NUCB2: variants seen among roughly 807,000 people sequenced by gnomAD.
NUCB2 encodes the protein nucleobindin 2.
Under a neutral mutation model 57.9 loss-of-function variants are expected in NUCB2, and 48 were observed. That is an observed-to-expected ratio of 0.83 (90% CI 0.66 to 1.05). NUCB2 has a LOEUF of 1.05. Ranked by LOEUF, NUCB2 falls within the 50% of genes least tolerant of loss-of-function variation. The probability of loss-of-function intolerance (pLI) is 0.00; values close to 1 mark genes in which losing one functional copy is unlikely to be tolerated. For missense variants in NUCB2, 442 were observed against 476.2 expected, an observed-to-expected ratio of 0.93 and a Z score of 0.67; for synonymous variants, 139 against 152.1, an observed-to-expected ratio of 0.91 and a Z score of 0.64.
At chr11:17,306,220 G>A (rs1947620576) in intron 5 of NUCB2, among the ~76,000 whole-genome samples, 1 of 152,076 alleles carries the variant, frequency 6.6e-6, no homozygotes, top group Admixed American at 6.6e-5. Flanking sequence ...TATCTGGGTG[G>A]TTTGTTGTCA....
intron 2 of NUCB2, among the ~76,000 whole-genome samples, chr11:17,288,164 C>T (rs756797220): frequency 6.6e-6 from 1 of 151,886 alleles, no homozygotes; most frequent in Non-Finnish European, 1.5e-5. Flanking sequence ...CAATTTATTT[C>T]GTTTAATTTC....
chr11:17,283,439 T>C (rs548532973), intron 2 of NUCB2: 45 of 152,372 alleles, frequency 3.0e-4, no homozygotes, highest in African/African-American at 1.1e-3. Flanking sequence ...TCTGCCATGA[T>C]ATGAATCTTT....
chr11:17,305,608 G>GTTTTTATTTTTATTATTATTATTA (rs1947495375), intron 5 of NUCB2, among the ~76,000 whole-genome samples: 1 of 151,720 alleles, frequency 6.6e-6, no homozygotes, highest in Non-Finnish European at 1.5e-5. Flanking sequence ...ATAAAGATAG[G>GTTTTTATTTTTATTATTATTATTA]TTTTTATTTT....
chr11:17,348,873 G>A lies in NUCB2; in HGVS notation n.2627-472G>A, dbSNP rs543084399. ...CGGCTCACTGCAACCTCCGCTTCCC[G>A]GGTTCAAGTGATTCTCCTGCTTCAG... On this transcript the variant is annotated intron_variant and non_coding_transcript_variant, in intron 2 of 2. Transcript: ENST00000532240. Among the ~76,000 whole-genome samples the A allele has an allele frequency of 7.2e-5, 11 of 151,830 alleles. No individual in the cohort carries two copies. The South Asian group carries it at 1.7e-3, about 23-fold the overall frequency.
At chr11:17,306,544 C>G (rs1947663616) in intron 5 of NUCB2, among the ~76,000 whole-genome samples, 1 of 152,122 alleles carries the variant, frequency 6.6e-6, no homozygotes, top group Non-Finnish European at 1.5e-5. Flanking sequence ...AGATTTCTCT[C>G]CCTGGGACAA....
intron 1 of NUCB2, among the ~76,000 whole-genome samples, chr11:17,278,088 T>C (rs1941710999): frequency 6.6e-6 from 1 of 151,916 alleles, no homozygotes; most frequent in Admixed American, 6.6e-5. Context: ...AACTAGACAA[T>C]TTTAGAAACT....
chr11:17,307,971 A>G (rs1947945923), intron 5 of NUCB2, among the ~76,000 whole-genome samples: 1 of 152,110 alleles, frequency 6.6e-6, no homozygotes, highest in Non-Finnish European at 1.5e-5. Flanking sequence ...GTGCAGTTTT[A>G]ATATGTATTT....
intron 2 of NUCB2, among the ~76,000 whole-genome samples, chr11:17,290,101 T>C (rs1944669874): frequency 6.6e-6 from 1 of 152,242 alleles, no homozygotes; most frequent in Admixed American, 6.5e-5. Context: ...CTTGCAGGTA[T>C]CTTCCTGTCT....
intron 2 of NUCB2, among the ~76,000 whole-genome samples, chr11:17,295,052 C>G (rs2138404986): frequency 6.6e-6 from 1 of 151,932 alleles, no homozygotes; most frequent in South Asian, 2.1e-4. Context: ...CTGTCTCAAA[C>G]AAACAAACAA....
At chr11:17,290,888 A>G (rs939208180) in intron 2 of NUCB2, among the ~76,000 whole-genome samples, 1 of 151,986 alleles carries the variant, frequency 6.6e-6, no homozygotes, top group East Asian at 1.9e-4. Flanking sequence ...TTTTTGCTCT[A>G]TTTTTACTCC....
chr11:17,292,789 A>C (rs1290237517), intron 2 of NUCB2, among the ~76,000 whole-genome samples: 1 of 152,196 alleles, frequency 6.6e-6, no homozygotes, highest in Non-Finnish European at 1.5e-5. Flanking sequence ...TTGATGCGTT[A>C]ATATATTTTA....
intron 11 of NUCB2, among the ~76,000 whole-genome samples, chr11:17,319,570 A>G (rs948941462): frequency 5.9e-5 from 9 of 152,204 alleles, no homozygotes; most frequent in Non-Finnish European, 1.2e-4. Flanking sequence ...GGATGTGTAT[A>G]TGTACATATG....
chr11:17,280,156 A>G lies in NUCB2; in HGVS notation c.-155-2633A>G, dbSNP rs1591150659. 2.0e-5 allele frequency among the ~76,000 whole-genome samples: 3 copies of G among 152,116 alleles called. No homozygotes were observed. The East Asian group carries it at 5.8e-4, about 29-fold the overall frequency. On this transcript the variant is annotated intron_variant, in intron 1 of 13. Coordinates refer to ENST00000529010, the MANE Select transcript of NUCB2 (RefSeq NM_005013.4). ...GAAGTACAGTATATGTAAATAATAA[A>G]GAGATTATAATTTTAATAATATGTT...
intron 2 of NUCB2, among the ~76,000 whole-genome samples, chr11:17,346,305 C>T (rs138546831): frequency 3.9e-5 from 6 of 152,172 alleles, no homozygotes; most frequent in Non-Finnish European, 8.8e-5. Flanking sequence ...CTAAGAGATA[C>T]AAAAAATACT....
chr11:17,296,009 C>T (rs1284481492), intron 3 of NUCB2, 95 bp from the exon 4 acceptor site: 1 of 595,496 alleles, frequency 1.7e-6, no homozygotes, highest in Non-Finnish European at 2.9e-6. Context: ...TGTCTTAATG[C>T]CATTTTGCTA....
intron 10 of NUCB2, among the ~76,000 whole-genome samples, chr11:17,314,070 C>G (rs1948897291): frequency 6.6e-6 from 1 of 152,062 alleles, no homozygotes; most frequent in Non-Finnish European, 1.5e-5. Context: ...TTTTTCATTT[C>G]AACAAATGAA....
At chr11:17,331,140 A>T (rs1951351695) in intron 13 of NUCB2, 157 bp downstream of exon 13, 1 of 630,224 alleles carries the variant, frequency 1.6e-6, no homozygotes, top group South Asian at 2.5e-5. Context: ...TAGAAAAATG[A>T]AAATGCCTCC....
chr11:17,281,319 C>A (rs937488622), intron 1 of NUCB2, among the ~76,000 whole-genome samples: 38 of 151,638 alleles, frequency 2.5e-4, no homozygotes, highest in Non-Finnish European at 4.1e-4. Flanking sequence ...GGGGTTTCAC[C>A]ATGTTGCCCA....
chr11:17,290,989 A>G (rs996586550), intron 2 of NUCB2, among the ~76,000 whole-genome samples: 1 of 152,144 alleles, frequency 6.6e-6, no homozygotes, highest in Admixed American at 6.5e-5. Context: ...TCATAAGGTT[A>G]TGCAACCATC....
Sources: gnomAD v4.1 joint callset for allele counts (sites outside exome capture counted in the v4.1 genomes callset) on GRCh38, gnomAD v4.1.1 for gene constraint, MANE v1.5 for transcripts, NCBI Gene and HGNC (gene_info 2026-07-23, HGNC 2026-07-21) for gene names.